The following DPP10 variants were observed in gnomAD, a reference collection of about 807,000 sequenced individuals.
The protein encoded by DPP10 is inactive dipeptidyl peptidase 10.
Under a neutral mutation model 120.9 loss-of-function variants are expected in DPP10, and 33 were observed. The ratio of observed to expected loss-of-function variants is 0.27; its 90% CI spans 0.21 to 0.37. The LOEUF (loss-of-function observed/expected upper bound fraction) is 0.37, where lower values mean the gene tolerates loss of function less well. DPP10 is among the 10% of genes least tolerant of loss of function. The probability of loss-of-function intolerance (pLI) is 1.00; values close to 1 mark genes in which losing one functional copy is unlikely to be tolerated. For synonymous variants in DPP10, 337 were observed against 326.1 expected, an observed-to-expected ratio of 1.03 and a Z score of -0.36; for missense variants, 816 against 942.8, an observed-to-expected ratio of 0.87 and a Z score of 1.76.
At chr2:115,694,209 T>C (rs910022374) in intron 7 of DPP10, among the ~76,000 whole-genome samples, 2 of 152,198 alleles carry the variant, frequency 1.3e-5, no homozygotes, top group Admixed American at 6.5e-5. Flanking sequence ...TTTGTCAATA[T>C]TTGAAGCTAT....
At chr2:115,528,107 G>T (rs1255145062) in intron 5 of DPP10, among the ~76,000 whole-genome samples, 1 of 151,938 alleles carries the variant, frequency 6.6e-6, no homozygotes, top group African/African-American at 2.4e-5. Context: ...TGGGTCAAAT[G>T]ATATTTCTAG....
At chr2:114,941,331 TTTC>T (rs1183894981) in intron 1 of DPP10, among the ~76,000 whole-genome samples, 2 of 152,152 alleles carry the variant, frequency 1.3e-5, no homozygotes, top group Non-Finnish European at 2.9e-5. Flanking sequence ...CAGTTCCTGT[TTTC>T]TTCTTCTCAA....
chr2:114,871,479 C>A (rs1490902189), intron 1 of DPP10, among the ~76,000 whole-genome samples: 1 of 151,922 alleles, frequency 6.6e-6, no homozygotes, highest in Admixed American at 6.6e-5. Context: ...TACTTGTGAA[C>A]CAACCTAATA....
chr2:114,684,287 A>G (rs926858700), intron 1 of DPP10, among the ~76,000 whole-genome samples: 2 of 151,946 alleles, frequency 1.3e-5, no homozygotes, highest in African/African-American at 2.4e-5. Flanking sequence ...CCACTCTATG[A>G]TAAGTGGAAG....
intron 1 of DPP10, among the ~76,000 whole-genome samples, chr2:114,658,715 C>T (rs1340098481): frequency 6.6e-6 from 1 of 152,190 alleles, no homozygotes; most frequent in Non-Finnish European, 1.5e-5. Flanking sequence ...AATTGAGCAT[C>T]TCTCTACAGG....
At chr2:114,680,402 G>C (rs1436583467) in intron 1 of DPP10, among the ~76,000 whole-genome samples, 5 of 151,928 alleles carry the variant, frequency 3.3e-5, no homozygotes, top group Non-Finnish European at 5.9e-5. Flanking sequence ...AGAGCTTTGA[G>C]AGTAGATGGC....
At chr2:114,452,754 C>T (rs993358308) in intron 1 of DPP10, among the ~76,000 whole-genome samples, 15 of 152,012 alleles carry the variant, frequency 9.9e-5, no homozygotes, top group African/African-American at 3.4e-4. Context: ...AGTAGAACAC[C>T]TCCAGGGTCA....
chr2:115,821,359 A>G (rs181648507), intron 21 of DPP10, among the ~76,000 whole-genome samples: 6 of 152,192 alleles, frequency 3.9e-5, no homozygotes, highest in African/African-American at 1.4e-4. Flanking sequence ...GTTTATCTCT[A>G]TTAATTTTTT....
chr2:115,614,950 CTG>C (rs1472811522), intron 5 of DPP10, among the ~76,000 whole-genome samples: 1 of 152,126 alleles, frequency 6.6e-6, no homozygotes, highest in Non-Finnish European at 1.5e-5. Flanking sequence ...AATTCCCTAT[CTG>C]TGCATTTTTA....
At chr2:114,733,092 G>A (rs1168319650) in intron 1 of DPP10, among the ~76,000 whole-genome samples, 3 of 152,200 alleles carry the variant, frequency 2.0e-5, no homozygotes, top group African/African-American at 4.8e-5. Flanking sequence ...GAAAGGGCAG[G>A]TCTTGACGAC....
chr2:115,402,929 G>GTA (rs776426536), intron 3 of DPP10, among the ~76,000 whole-genome samples: 146 of 128,086 alleles, frequency 1.1e-3, no homozygotes, highest in African/African-American at 3.8e-3. Flanking sequence ...ATATATATAT[G>GTA]TATATATATA....
intron 5 of DPP10, among the ~76,000 whole-genome samples, chr2:115,548,299 A>G (rs879346399): frequency 6.6e-6 from 1 of 152,154 alleles, no homozygotes; most frequent in Non-Finnish European, 1.5e-5. Flanking sequence ...TAAAATTATG[A>G]CAGTATCATC....
chr2:114,744,722 C>T (rs1176830025), intron 1 of DPP10, among the ~76,000 whole-genome samples: 1 of 152,078 alleles, frequency 6.6e-6, no homozygotes, highest in Non-Finnish European at 1.5e-5. Flanking sequence ...ACTATAAGGG[C>T]AGAGATGAGA....
At chr2:115,729,880 G>A (rs1416189249) in intron 8 of DPP10, among the ~76,000 whole-genome samples, 1 of 152,066 alleles carries the variant, frequency 6.6e-6, no homozygotes, top group Non-Finnish European at 1.5e-5. Flanking sequence ...GAAGAAATTA[G>A]GAAGGAAAAA....
At chr2:114,756,361 T>G (rs1679747311) in intron 1 of DPP10, among the ~76,000 whole-genome samples, 1 of 152,156 alleles carries the variant, frequency 6.6e-6, no homozygotes, top group African/African-American at 2.4e-5. Flanking sequence ...AAGGCCCTCA[T>G]AGACCCCAGG....
chr2:115,339,628 C>T (rs985715671), intron 2 of DPP10, among the ~76,000 whole-genome samples: 1 of 151,940 alleles, frequency 6.6e-6, no homozygotes, highest in South Asian at 2.1e-4. Context: ...ACTCAGCCAT[C>T]AAAAGTGATA....
At chr2:114,714,094 T>G (rs1190855649) in intron 1 of DPP10, among the ~76,000 whole-genome samples, 1 of 151,744 alleles carries the variant, frequency 6.6e-6, no homozygotes, top group African/African-American at 2.4e-5. Context: ...TGTGTGTGTG[T>G]GTGTGTGTGT....
At chr2:115,415,767 G>A (rs1243336280) in intron 3 of DPP10, among the ~76,000 whole-genome samples, 3 of 145,850 alleles carry the variant, frequency 2.1e-5, no homozygotes, top group Non-Finnish European at 3.0e-5. Flanking sequence ...GTAAAACTAC[G>A]ATTCTTGGCT....
intron 1 of DPP10, among the ~76,000 whole-genome samples, chr2:115,173,776 T>C (rs985552445): frequency 2.6e-5 from 4 of 152,180 alleles, no homozygotes; most frequent in African/African-American, 9.6e-5. Flanking sequence ...ATTATCCCCC[T>C]TTAAGATGTA....
Sources: gnomAD v4.1 joint callset for allele counts (sites outside exome capture counted in the v4.1 genomes callset) on GRCh38, gnomAD v4.1.1 for gene constraint, MANE v1.5 for transcripts, NCBI Gene and HGNC (gene_info 2026-07-23, HGNC 2026-07-21) for gene names.